Variants in SHF observed in about 807,000 individuals in gnomAD.
SHF encodes the protein Src homology 2 domain containing F.
SHF carries 30 observed loss-of-function variants against 42.4 expected under a neutral mutation model. The observed-to-expected ratio is 0.71, with a 90% CI of 0.53 to 0.96. The LOEUF is 0.96. Among genes scored for constraint, SHF ranks in the 40% least tolerant of loss-of-function variants. The pLI is 0.00. For synonymous variants in SHF, 264 were observed against 269.9 expected (o/e 0.98, Z 0.21); for missense variants, 598 against 634.0 (o/e 0.94, Z 0.61).
chr15:45,198,821 G>A, exon 2 of SHF: 1 of 1,613,992 alleles, frequency 6.2e-7, no homozygotes, highest in Non-Finnish European at 8.5e-7. Flanking sequence ...CAGGCGCGTT[G>A]TACTCCGCCA....
At chr15:45,199,244 G>A (rs1898985372) in intron 1 of SHF, 1 of 755,596 alleles carries the variant, frequency 1.3e-6, no homozygotes, top group South Asian at 2.3e-5. Context: ...TCCTCCTTCC[G>A]CAATGCTTCC....
chr15:45,168,689 C>T (rs1233834760), intron 6 of SHF, among the ~76,000 whole-genome samples: 1 of 152,200 alleles, frequency 6.6e-6, no homozygotes, highest in African/African-American at 2.4e-5. Flanking sequence ...TGGGAGTGCT[C>T]AGCTGCCTCC....
chr15:45,172,024 G>T, intron 5 of SHF, 22 bp from the exon 6 acceptor site: 1 of 1,613,906 alleles, frequency 6.2e-7, no homozygotes, highest in Non-Finnish European at 8.5e-7. Context: ...AGAGAGGAAG[G>T]GGGGCATCTC....
At chr15:45,199,536 T>C (rs988122336) in intron 1 of SHF, among the ~76,000 whole-genome samples, 4 of 152,270 alleles carry the variant, frequency 2.6e-5, no homozygotes, top group East Asian at 1.9e-4. Context: ...ATATTTTCAC[T>C]TCTACCCTCC....
intron 1 of SHF, among the ~76,000 whole-genome samples, chr15:45,186,690 C>T (rs1364245024): frequency 6.6e-6 from 1 of 152,196 alleles, no homozygotes; most frequent in Admixed American, 6.5e-5. Flanking sequence ...AGAGGGAGGC[C>T]AGGAGGAGAG....
At chr15:45,181,376 AC>A (rs1316864767) in intron 1 of SHF, among the ~76,000 whole-genome samples, 2 of 152,144 alleles carry the variant, frequency 1.3e-5, no homozygotes, top group African/African-American at 4.8e-5. Context: ...ACAGGCACCC[AC>A]CCTGGGCATA....
chr15:45,176,635 C>T (rs1174251250), intron 2 of SHF, among the ~76,000 whole-genome samples: 3 of 152,034 alleles, frequency 2.0e-5, no homozygotes, highest in Non-Finnish European at 2.9e-5. Flanking sequence ...CATTTGGGTC[C>T]ATTGCCATAA....
chr15:45,197,350 G>A (rs1028941319), intron 2 of SHF, among the ~76,000 whole-genome samples: 3 of 151,798 alleles, frequency 2.0e-5, no homozygotes, highest in African/African-American at 7.3e-5. Context: ...CTGTGTGCTT[G>A]GAACACAAAC....
At chr15:45,169,186 G>A (rs1423831133) in intron 6 of SHF, among the ~76,000 whole-genome samples, 5 of 152,202 alleles carry the variant, frequency 3.3e-5, no homozygotes, top group African/African-American at 9.6e-5. Context: ...CCACCCCCCG[G>A]AGAAGTGAGG....
chr15:45,171,810 G>T, intron 6 of SHF, 73 bp downstream of exon 6: 2 of 1,507,522 alleles, frequency 1.3e-6, no homozygotes, highest in East Asian at 2.3e-5. Flanking sequence ...CAGCTTGGTT[G>T]GGCATAAGGG....
At position 45,167,231 on chromosome 15, in the gene SHF, CTG is replaced by C. The variant is rs1239709953; in HGVS notation, c.*714_*715del. ...TTCGAAAGTGCTTTTCACAGCCGGG[CTG>C]TGTCTGCTCCAGAGCTGATTTATAC... On this transcript the variant is annotated 3_prime_UTR_variant, in exon 7 of 7. Transcript: ENST00000690270. 2 of 152,194 alleles carry C rather than the reference CTG, an allele frequency of 1.3e-5. No individual in the cohort carries two copies. Among genetic ancestry groups the C allele is most frequent in the Non-Finnish European group, 1.5e-5 (1 of 68,024 alleles). 9.4% of individuals were successfully genotyped at this position (152,194 alleles called of 1,614,324 possible).
rs1172657773 is a variant in SHF, at chr15:45,171,564, T to A, written c.1280+319A>T. On this transcript the variant is annotated intron_variant, in intron 6 of 6. Coordinates refer to ENST00000690270, the MANE Select transcript of SHF (RefSeq NM_001394037.1). ...TATGCTAAGCACTTCCCATGCATTA[T>A]TTCACCTAATCCTTCCCTATATTAT... is the stretch of plus-strand genomic sequence containing the variant. The A allele has an allele frequency of 1.0e-5, 4 of 382,632 alleles. No individual in the cohort carries two copies. In the Admixed American group the frequency reaches 1.6e-4, roughly 15 times the overall value. The allele number at this position is 382,632 out of a possible 1,614,324, so 23.7% of individuals were successfully genotyped here.
chr15:45,173,314 A>G (rs1229989841), intron 4 of SHF, among the ~76,000 whole-genome samples: 1 of 152,194 alleles, frequency 6.6e-6, no homozygotes, highest in Non-Finnish European at 1.5e-5. Context: ...TTGTCAAGCA[A>G]AGCTCTCCCC....
chr15:45,186,361 A>T (rs1418174381), intron 1 of SHF, among the ~76,000 whole-genome samples: 2 of 152,250 alleles, frequency 1.3e-5, no homozygotes, highest in Non-Finnish European at 2.9e-5. Context: ...TCAATCCTGG[A>T]GCCAACGGAT....
At chr15:45,177,154 G>A (rs1250885208) in intron 2 of SHF, among the ~76,000 whole-genome samples, 4 of 152,174 alleles carry the variant, frequency 2.6e-5, no homozygotes, top group African/African-American at 4.8e-5. Flanking sequence ...TTTTCCTGAA[G>A]AGAAAGAACA....
chr15:45,199,145 A>T (rs1898980321), intron 1 of SHF: 1 of 1,442,048 alleles, frequency 6.9e-7, no homozygotes, highest in Admixed American at 2.8e-5. Flanking sequence ...CACGTAGAAA[A>T]AAATTCAGCA....
At chr15:45,173,741 A>G in intron 3 of SHF, 25 bp from the exon 4 acceptor site, 1 of 1,551,400 alleles carries the variant, frequency 6.4e-7, no homozygotes, top group Non-Finnish European at 8.7e-7. Flanking sequence ...AGAAGTGAGA[A>G]GAGAGACAGA....
At chr15:45,176,204 C>T (rs887046665) in intron 2 of SHF, among the ~76,000 whole-genome samples, 14 of 152,152 alleles carry the variant, frequency 9.2e-5, no homozygotes, top group South Asian at 6.2e-4. Flanking sequence ...ACTTTCCCTT[C>T]GACAAGTTAC....
At chr15:45,200,389 C>T (rs1047428055) in intron 1 of SHF, 2 of 214,316 alleles carry the variant, frequency 9.3e-6, no homozygotes, top group African/African-American at 4.5e-5. Context: ...ACAAACTCCC[C>T]TTGCCGTGCC....
Sources: gnomAD v4.1 joint callset for allele counts (sites outside exome capture counted in the v4.1 genomes callset) on GRCh38, gnomAD v4.1.1 for gene constraint, MANE v1.5 for transcripts, NCBI Gene and HGNC (gene_info 2026-07-23, HGNC 2026-07-21) for gene names.